Variants in NXPH1 observed in about 807,000 individuals in gnomAD.
NXPH1 encodes the protein neurexophilin-1.
In NXPH1, 5 loss-of-function variants were observed where a neutral mutation model predicts 23.7. The ratio of observed to expected loss-of-function variants is 0.21; its 90% CI spans 0.11 to 0.44. The LOEUF is 0.44. NXPH1 is among the 20% of genes least tolerant of loss of function. The pLI, the probability that NXPH1 is intolerant of heterozygous loss-of-function variation, is 0.99. For missense variants in NXPH1, 324 were observed against 321.6 expected, an observed-to-expected ratio of 1.01 and a Z score of -0.06; for synonymous variants, 144 against 122.2, an observed-to-expected ratio of 1.18 and a Z score of -1.18.
rs1277824582 is a variant in NXPH1 at position 8,745,595 on chromosome 7, C to G, written c.55-5413C>G. On this transcript the variant is annotated intron_variant, in intron 2 of 2. Coordinates refer to ENST00000405863, the MANE Select transcript of NXPH1 (RefSeq NM_152745.3). Reference sequence around the variant, plus strand: ...CCGAAACAGAGTCTTGCTCTGTCGCCAGGCTGGAGTGCAGTGGTGCAATCT... The same window carrying G: ...CCGAAACAGAGTCTTGCTCTGTCGCGAGGCTGGAGTGCAGTGGTGCAATCT... Among the ~76,000 whole-genome samples the G allele has an allele frequency of 3.3e-5, 5 of 152,144 alleles. No individual in the cohort carries two copies. In the East Asian group the frequency reaches 7.7e-4, roughly 23 times the overall value.
At chr7:8,643,282 T>G (rs1165174659) in intron 2 of NXPH1, among the ~76,000 whole-genome samples, 1 of 152,194 alleles carries the variant, frequency 6.6e-6, no homozygotes, top group Non-Finnish European at 1.5e-5. Flanking sequence ...TAATAATATA[T>G]GTATATGTAC....
At chr7:8,539,770 T>C (rs1162600510) in intron 2 of NXPH1, among the ~76,000 whole-genome samples, 1 of 151,784 alleles carries the variant, frequency 6.6e-6, no homozygotes, top group Non-Finnish European at 1.5e-5. Flanking sequence ...TTAAAATAAA[T>C]AGATACCATA....
intron 2 of NXPH1, among the ~76,000 whole-genome samples, chr7:8,642,123 T>A (rs1820323194): frequency 6.6e-6 from 1 of 152,210 alleles, no homozygotes; most frequent in African/African-American, 2.4e-5. Context: ...TTTCTATATG[T>A]TGAACCACCC....
chr7:8,578,170 C>T (rs934634769), intron 2 of NXPH1, among the ~76,000 whole-genome samples: 5 of 152,188 alleles, frequency 3.3e-5, no homozygotes, highest in East Asian at 1.9e-4. Context: ...ATTATTCTCC[C>T]TTCTATAACG....
rs1816153649 is a variant in NXPH1, at chr7:8,434,498, TCTTAAGTTTC to T, written c.-365_-356del. Reference sequence around the variant, plus strand: ...TCTACTGCTCCCTCCCTCTCTTGCCTCTTAAGTTTCCTGCACCGTGAATCCAACTGTGCCA... The same window carrying T: ...TCTACTGCTCCCTCCCTCTCTTGCCTCTGCACCGTGAATCCAACTGTGCCA... On this transcript the variant is annotated 5_prime_UTR_variant, in exon 1 of 3. Coordinates refer to ENST00000405863, the MANE Select transcript of NXPH1 (RefSeq NM_152745.3). The surrounding 1 kb of genome is among the most constrained non-coding windows in gnomAD (Gnocchi z 7.6). 1 of 152,870 alleles carries T rather than the reference TCTTAAGTTTC, an allele frequency of 6.5e-6. No individual in the cohort carries two copies. The highest frequency in any genetic ancestry group is 6.5e-5 in the Admixed American group (1 of 15,280). 9.5% of individuals were successfully genotyped at this position (152,870 alleles called of 1,614,324 possible).
intron 2 of NXPH1, among the ~76,000 whole-genome samples, chr7:8,658,054 C>T (rs965293776): frequency 6.6e-6 from 1 of 152,116 alleles, no homozygotes; most frequent in South Asian, 2.1e-4. Flanking sequence ...AAAATAAAAG[C>T]AACACTGTTT....
At chr7:8,736,354 A>G (rs929651627) in intron 2 of NXPH1, among the ~76,000 whole-genome samples, 1 of 152,194 alleles carries the variant, frequency 6.6e-6, no homozygotes, top group African/African-American at 2.4e-5. Flanking sequence ...GTTTCAAAGA[A>G]CTTATTTATT....
At chr7:8,546,437 A>C (rs1818198674) in intron 2 of NXPH1, among the ~76,000 whole-genome samples, 1 of 151,398 alleles carries the variant, frequency 6.6e-6, no homozygotes. Flanking sequence ...GCTTCCTTAA[A>C]AATTTGTCCC....
chr7:8,516,439 A>C (rs13438215), intron 2 of NXPH1, among the ~76,000 whole-genome samples: 63,737 of 151,960 alleles, frequency 0.42, 13,536 homozygotes, highest in Middle Eastern at 0.5. Flanking sequence ...TACAGTGAGC[A>C]TCAAATGATG....
chr7:8,580,817 C>T (rs560342705), intron 2 of NXPH1, among the ~76,000 whole-genome samples: 9 of 152,156 alleles, frequency 5.9e-5, no homozygotes, highest in African/African-American at 2.2e-4. Flanking sequence ...GCAATTAGGG[C>T]ACCTGCTTTC....
At chr7:8,683,646 T>G (rs1251876819) in intron 2 of NXPH1, among the ~76,000 whole-genome samples, 4 of 152,206 alleles carry the variant, frequency 2.6e-5, no homozygotes, top group African/African-American at 9.6e-5. Context: ...ACCTATTTTT[T>G]TCCTGGCTTT....
At chr7:8,674,598 G>C (rs1820919491) in intron 2 of NXPH1, among the ~76,000 whole-genome samples, 1 of 152,116 alleles carries the variant, frequency 6.6e-6, no homozygotes, top group African/African-American at 2.4e-5. Flanking sequence ...AAAGGAGTTT[G>C]GGGTTCCAGG....
At chr7:8,696,659 T>A (rs970060006) in intron 2 of NXPH1, among the ~76,000 whole-genome samples, 9 of 152,048 alleles carry the variant, frequency 5.9e-5, no homozygotes, top group African/African-American at 2.2e-4. Context: ...GAGTGTGACT[T>A]TGTCTTTTAT....
At chr7:8,640,099 C>G (rs1037760877) in intron 2 of NXPH1, among the ~76,000 whole-genome samples, 1 of 152,108 alleles carries the variant, frequency 6.6e-6, no homozygotes, top group Non-Finnish European at 1.5e-5. Flanking sequence ...ATATTCCCAT[C>G]CACTACCTGC....
In NXPH1 at chr7:8,480,661, C is replaced by G. The variant is rs377671558; in HGVS notation, c.54+44894C>G. ...CTCCCTGAATAGCCTCTAAAAATGA[C>G]TGCAACAGCTGTACTTTCCAGAACC... On this transcript the variant is annotated intron_variant, in intron 2 of 2. Transcript: ENST00000405863. 3.9e-5 allele frequency among the ~76,000 whole-genome samples: 6 copies of G among 152,276 alleles called. No individual in the cohort carries two copies. In the South Asian group the frequency reaches 1.2e-3, roughly 32 times the overall value.
chr7:8,519,676 C>T (rs1168532302), intron 2 of NXPH1, among the ~76,000 whole-genome samples: 1 of 152,108 alleles, frequency 6.6e-6, no homozygotes, highest in Non-Finnish European at 1.5e-5. Context: ...CTCACCGCTC[C>T]TTATGTTTTT....
At chr7:8,456,828 T>C (rs554053786) in intron 2 of NXPH1, among the ~76,000 whole-genome samples, 4 of 152,178 alleles carry the variant, frequency 2.6e-5, no homozygotes, top group Admixed American at 6.5e-5. Flanking sequence ...AAAGTCTAGC[T>C]TGGTGAAAGA....
At chr7:8,715,308 T>A (rs1779859852) in intron 2 of NXPH1, among the ~76,000 whole-genome samples, 1 of 152,122 alleles carries the variant, frequency 6.6e-6, no homozygotes, top group Non-Finnish European at 1.5e-5. Flanking sequence ...TGTGAGGGGA[T>A]GGGGTAAGGG....
intron 2 of NXPH1, among the ~76,000 whole-genome samples, chr7:8,516,834 A>G (rs1249678749): frequency 2.0e-5 from 3 of 152,110 alleles, no homozygotes; most frequent in South Asian, 2.1e-4. Context: ...ATGAACGACT[A>G]TAGAGAGAGC....
Sources: gnomAD v4.1 joint callset for allele counts (sites outside exome capture counted in the v4.1 genomes callset) on GRCh38, gnomAD v4.1.1 for gene constraint, Gnocchi (gnomAD v3.1) non-coding constraint, MANE v1.5 for transcripts, NCBI Gene and HGNC (gene_info 2026-07-23, HGNC 2026-07-21) for gene names.